RANBP17: variants seen among roughly 807,000 people sequenced by gnomAD.
The protein encoded by RANBP17 is ran-binding protein 17.
RANBP17 carries 158 observed loss-of-function variants against 141.2 expected under a neutral mutation model. That is an observed-to-expected ratio of 1.12 (90% confidence interval 0.98 to 1.28). The LOEUF is 1.28. Among genes scored for constraint, RANBP17 ranks in the 50% most tolerant of loss-of-function variants. The probability of loss-of-function intolerance (pLI) is 0.00; values close to 1 mark genes in which losing one functional copy is unlikely to be tolerated. For missense variants in RANBP17, 1,438 were observed against 1,290.7 expected, an observed-to-expected ratio of 1.11 and a Z score of -1.75; for synonymous variants, 430 against 450.0, an observed-to-expected ratio of 0.96 and a Z score of 0.56.
intron 21 of RANBP17, among the ~76,000 whole-genome samples, chr5:171,214,780 TA>T (rs1358042585): frequency 6.6e-6 from 1 of 152,178 alleles, no homozygotes; most frequent in Non-Finnish European, 1.5e-5. Flanking sequence ...TCCATTTTTT[TA>T]ACCAGAAAAT....
intron 13 of RANBP17, among the ~76,000 whole-genome samples, chr5:170,960,287 G>T (rs1776037485): frequency 6.6e-6 from 1 of 152,074 alleles, no homozygotes; most frequent in African/African-American, 2.4e-5. Context: ...CCTCAACTAG[G>T]CCCTCAGCAT....
rs763981721 is a variant in RANBP17 at position 170,892,420 on chromosome 5, C to T, written c.290C>T (p.Pro97Leu). The change falls in exon 4 of 28, where the codon CCC (proline) becomes CTC (leucine). Residue 97 changes from proline to leucine, a missense_variant. By Grantham distance (98) the Pro-to-Leu change is moderately conservative (BLOSUM62 -3). Coordinates refer to ENST00000523189, the MANE Select transcript of RANBP17 (RefSeq NM_022897.5). ...NYILNYVASQ[P>L]KLAPFVIQAL... Reference sequence around the variant, plus strand: ...ATTCTGAATTACGTGGCATCACAGCCCAAGCTGGCTCCCTTTGTCATCCAA... The same window carrying T: ...ATTCTGAATTACGTGGCATCACAGCTCAAGCTGGCTCCCTTTGTCATCCAA... 3.7e-6 allele frequency: 6 copies of T among 1,613,000 alleles called. No homozygotes were observed. Among genetic ancestry groups the T allele is most frequent in the South Asian group, 3.3e-5 (3 of 90,916 alleles).
chr5:170,939,096 G>T (rs916348342), intron 12 of RANBP17, among the ~76,000 whole-genome samples: 1 of 107,470 alleles, frequency 9.3e-6, no homozygotes, highest in African/African-American at 2.8e-5. Context: ...AAAAATGGAA[G>T]CCAGAAGGTG....
At chr5:171,242,444 A>G (rs1199149120) in intron 23 of RANBP17, among the ~76,000 whole-genome samples, 2 of 152,166 alleles carry the variant, frequency 1.3e-5, no homozygotes, top group African/African-American at 4.8e-5. Flanking sequence ...TAAATATCGT[A>G]CTGCAGGGAT....
At chr5:170,983,393 G>A in intron 14 of RANBP17, 1 of 232,238 alleles carries the variant, frequency 4.3e-6, no homozygotes, top group East Asian at 6.3e-5. Flanking sequence ...TAAAACTTAG[G>A]TAAATGAAAA....
intron 13 of RANBP17, 76 bp downstream of exon 13, chr5:170,953,778 G>C (rs1198034840): frequency 1.1e-6 from 1 of 931,918 alleles, no homozygotes; most frequent in Non-Finnish European, 1.7e-6. Context: ...AGTATTATGA[G>C]TGAAGACATT....
chr5:170,909,739 GT>G lies in RANBP17; in HGVS notation c.569del (p.Val190GlyfsTer2). 1 of 1,571,772 alleles carries G rather than the reference GT, an allele frequency of 6.4e-7. No homozygotes were observed. Among genetic ancestry groups the G allele is most frequent in the Non-Finnish European group, 8.7e-7 (1 of 1,143,520 alleles). On this transcript the variant is annotated frameshift_variant, in exon 6 of 28. Coordinates refer to ENST00000523189, the MANE Select transcript of RANBP17 (RefSeq NM_022897.5). LOFTEE classifies it high-confidence loss of function. ...TGATACTTCTCTCAAAGACGTTTTAGTGCTAGCATGCTCTCTTTTAAAAGAG... is the reference window on the plus strand; with the variant it reads ...TGATACTTCTCTCAAAGACGTTTTAGGCTAGCATGCTCTCTTTTAAAAGAG... ...FRDTSLKDVL[V>X]LACSLLKEVF...
At chr5:170,994,446 G>A (rs920563125) in intron 14 of RANBP17, among the ~76,000 whole-genome samples, 6 of 152,026 alleles carry the variant, frequency 3.9e-5, no homozygotes, top group African/African-American at 1.4e-4. Flanking sequence ...GATGAGGTAA[G>A]ATTATCATTG....
intron 14 of RANBP17, among the ~76,000 whole-genome samples, chr5:171,086,337 G>A (rs1405441513): frequency 2.0e-5 from 3 of 151,390 alleles, no homozygotes; most frequent in South Asian, 2.1e-4. Flanking sequence ...GTGGATAAGC[G>A]TTTTGATGTG....
intron 14 of RANBP17, among the ~76,000 whole-genome samples, chr5:171,003,223 T>C (rs1024618013): frequency 7.9e-5 from 12 of 152,150 alleles, no homozygotes; most frequent in African/African-American, 1.9e-4. Context: ...TTCAGCTGTA[T>C]GTAATGAAAA....
intron 25 of RANBP17, chr5:171,271,567 T>C (rs1554127090): frequency 4.8e-6 from 1 of 209,802 alleles, no homozygotes; most frequent in Non-Finnish European, 9.7e-6. Context: ...TTTCTAATGT[T>C]AATAAAGACA....
At chr5:171,077,046 A>G (rs1784971590) in intron 14 of RANBP17, among the ~76,000 whole-genome samples, 2 of 152,172 alleles carry the variant, frequency 1.3e-5, no homozygotes. Context: ...CTCCTAAAAA[A>G]GGTGTACAAC....
chr5:171,048,603 G>A (rs998776914), intron 14 of RANBP17, among the ~76,000 whole-genome samples: 2 of 152,030 alleles, frequency 1.3e-5, no homozygotes, highest in Non-Finnish European at 2.9e-5. Flanking sequence ...GTACTCGATA[G>A]GTAGTCTTTC....
At chr5:171,202,255 C>G (rs946506045) in intron 19 of RANBP17, among the ~76,000 whole-genome samples, 1 of 152,114 alleles carries the variant, frequency 6.6e-6, no homozygotes, top group South Asian at 2.1e-4. Context: ...AAAAAATACT[C>G]TGACAAATCC....
intron 13 of RANBP17, among the ~76,000 whole-genome samples, chr5:170,955,466 CTA>C (rs10610368): frequency 0.023 from 2,883 of 123,012 alleles, 129 homozygotes; most frequent in African/African-American, 0.072. Context: ...ATATATATAT[CTA>C]TATATATATA....
intron 14 of RANBP17, among the ~76,000 whole-genome samples, chr5:171,150,889 TC>T (rs1758423718): frequency 6.6e-6 from 1 of 152,244 alleles, no homozygotes; most frequent in Non-Finnish European, 1.5e-5. Context: ...GACGTTTTGT[TC>T]CTTTTGTCAT....
chr5:171,265,704 T>C lies in RANBP17; in HGVS notation c.2800T>C (p.Cys934Arg), dbSNP rs757797144. 6.2e-7 allele frequency: 1 copy of C among 1,613,538 alleles called. No homozygotes were observed. Among genetic ancestry groups the C allele is most frequent in the Non-Finnish European group, 8.5e-7 (1 of 1,179,862 alleles). ...TLDTVVSSSC[C>R]TSLDYIVTYL... ...AGATACAGTTGTCTCCTCCAGCTGCTGTACCAGTTTAGACTACATCGTCAC... is the reference window on the plus strand; with the variant it reads ...AGATACAGTTGTCTCCTCCAGCTGCCGTACCAGTTTAGACTACATCGTCAC... The change falls in exon 25 of 28, where the codon TGT becomes CGT. Residue 934 changes from cysteine to arginine, a missense_variant. Physicochemically the swap from Cys to Arg is radical, Grantham distance 180. Transcript: ENST00000523189.
chr5:171,007,366 G>GT (rs56384666), intron 14 of RANBP17, among the ~76,000 whole-genome samples: 594 of 16,446 alleles, frequency 0.036, 4 homozygotes, highest in African/African-American at 0.099. Context: ...GGTGTGGAGA[G>GT]GGAGGTAATA....
chr5:171,073,861 A>G (rs1784763366), intron 14 of RANBP17, among the ~76,000 whole-genome samples: 1 of 151,624 alleles, frequency 6.6e-6, no homozygotes, highest in African/African-American at 2.4e-5. Context: ...TAAAGCACGG[A>G]ACAGTTTCAG....
Sources: allele counts gnomAD v4.1 joint callset (sites outside exome capture counted in the v4.1 genomes callset), GRCh38; gene constraint gnomAD v4.1.1; transcripts MANE v1.5; gene names NCBI Gene and HGNC (gene_info 2026-07-23, HGNC 2026-07-21).